Variants in PLD5 observed in about 807,000 individuals in gnomAD.
The protein encoded by PLD5 is inactive phospholipase D5.
In PLD5, 36 loss-of-function variants were observed where a neutral mutation model predicts 61.1. The ratio of observed to expected loss-of-function variants is 0.59; its 90% CI spans 0.45 to 0.78. The LOEUF (loss-of-function observed/expected upper bound fraction) is 0.78. PLD5 is among the 30% of genes least tolerant of loss of function. The pLI, the probability that PLD5 is intolerant of heterozygous loss-of-function variation, is 0.00. For synonymous variants in PLD5, 243 were observed against 242.8 expected (o/e 1.00, Z -0.01); for missense variants, 515 against 644.4 (o/e 0.80, Z 2.17).
rs201139795 is a variant in PLD5, at chr1:242,288,398, A to G, written c.459T>C (p.His153=). The G allele has an allele frequency of 6.3e-5, 102 of 1,612,978 alleles. No individual in the cohort carries two copies. The highest frequency in any genetic ancestry group is 8.0e-5 in the Non-Finnish European group (94 of 1,179,710). ...AKKSVDIVSS[H]WDLNHTHPSA... The stretch of plus-strand genomic sequence containing the variant: ...ATGGATGAGTGTGGTTGAGATCCCA[A>G]TGGGAAGACACTATGTCAACAGACT... The change falls in exon 3 of 10, where the codon CAT becomes CAC. Residue 153 remains histidine, a synonymous_variant. Coordinates refer to ENST00000536534, the MANE Select transcript of PLD5 (RefSeq NM_001372062.1).
At chr1:242,426,491 C>T (rs1431932677) in intron 1 of PLD5, among the ~76,000 whole-genome samples, 1 of 152,156 alleles carries the variant, frequency 6.6e-6, no homozygotes, top group Non-Finnish European at 1.5e-5. Context: ...AGGTGATACA[C>T]CTGTATCACC....
intron 1 of PLD5, among the ~76,000 whole-genome samples, chr1:242,451,527 A>G (rs960674836): frequency 1.4e-5 from 2 of 142,986 alleles, no homozygotes; most frequent in African/African-American, 5.3e-5. Flanking sequence ...TGACACGATC[A>G]TGGCTCAGTG....
chr1:242,423,940 A>G (rs1353362014), intron 1 of PLD5, among the ~76,000 whole-genome samples: 2 of 152,182 alleles, frequency 1.3e-5, no homozygotes, highest in Non-Finnish European at 2.9e-5. Context: ...TTACTCATGC[A>G]AGTATAGTTT....
intron 5 of PLD5, among the ~76,000 whole-genome samples, chr1:242,216,761 C>T (rs556204034): frequency 2.4e-4 from 37 of 152,324 alleles, no homozygotes; most frequent in African/African-American, 8.4e-4. Flanking sequence ...TCATCCATCA[C>T]TGAGTTAGGG....
intron 5 of PLD5, chr1:242,210,807 T>C (rs554346764): frequency 6.6e-6 from 1 of 152,394 alleles, no homozygotes; most frequent in South Asian, 2.1e-4. Flanking sequence ...ATCCAGGTGA[T>C]TAAAAGCTTT....
At chr1:242,382,061 G>A (rs1267137957) in intron 1 of PLD5, among the ~76,000 whole-genome samples, 1 of 149,980 alleles carries the variant, frequency 6.7e-6, no homozygotes, top group Admixed American at 6.7e-5. Flanking sequence ...TGGGTGAGAG[G>A]GAAAGGAGAA....
intron 1 of PLD5, among the ~76,000 whole-genome samples, chr1:242,396,245 A>C (rs1369482468): frequency 6.6e-6 from 1 of 152,156 alleles, no homozygotes; most frequent in Non-Finnish European, 1.5e-5. Context: ...TATCCTGTGC[A>C]TTGTAGGATG....
intron 5 of PLD5, among the ~76,000 whole-genome samples, chr1:242,125,423 C>A (rs1423450139): frequency 2.6e-5 from 4 of 151,902 alleles, no homozygotes; most frequent in African/African-American, 9.7e-5. Flanking sequence ...AATACTAGCC[C>A]CAAGTTAGAG....
chr1:242,481,732 T>G (rs1667784313), intron 1 of PLD5, among the ~76,000 whole-genome samples: 1 of 152,322 alleles, frequency 6.6e-6, no homozygotes, highest in South Asian at 2.1e-4. Context: ...AGCACAGAGC[T>G]TGAGATCTGA....
chr1:242,100,891 G>T (rs1311573438), intron 8 of PLD5, 109 bp from the exon 9 acceptor site: 5 of 696,968 alleles, frequency 7.2e-6, no homozygotes, highest in Non-Finnish European at 1.2e-5. Flanking sequence ...CCTCAAGTTG[G>T]GTTATGAAAG....
chr1:242,122,161 T>C (rs1016951689), intron 6 of PLD5, among the ~76,000 whole-genome samples: 2 of 152,222 alleles, frequency 1.3e-5, no homozygotes, highest in South Asian at 2.1e-4. Context: ...CTTTTTGTGG[T>C]GAACTCTTTA....
At chr1:242,170,309 G>A (rs527574075) in intron 5 of PLD5, among the ~76,000 whole-genome samples, 2 of 152,248 alleles carry the variant, frequency 1.3e-5, no homozygotes, top group African/African-American at 4.8e-5. Flanking sequence ...GGAGTGGACC[G>A]CTAACAAACT....
intron 1 of PLD5, among the ~76,000 whole-genome samples, chr1:242,401,189 T>C (rs114114004): frequency 0.012 from 1,761 of 152,244 alleles, 25 homozygotes; most frequent in Non-Finnish European, 0.018. Flanking sequence ...CTGTCTCTTC[T>C]ACTCACATCA....
chr1:242,458,265 A>C (rs1403842331), intron 1 of PLD5, among the ~76,000 whole-genome samples: 2 of 152,230 alleles, frequency 1.3e-5, no homozygotes, highest in Non-Finnish European at 2.9e-5. Flanking sequence ...GTTAGCTCAG[A>C]AGGAACTGTG....
intron 1 of PLD5, among the ~76,000 whole-genome samples, chr1:242,362,853 G>T (rs947939690): frequency 6.6e-6 from 1 of 151,820 alleles, no homozygotes; most frequent in Non-Finnish European, 1.5e-5. Context: ...GGCACCCCTC[G>T]CTGTACATAT....
intron 1 of PLD5, among the ~76,000 whole-genome samples, chr1:242,522,799 C>T (rs1179163110): frequency 1.3e-5 from 2 of 152,168 alleles, no homozygotes; most frequent in African/African-American, 4.8e-5. Flanking sequence ...AAACCTTCAG[C>T]GACTTCCATA....
chr1:242,085,952 T>A lies in PLD5; in HGVS notation c.*3902A>T, dbSNP rs1047015446. On this transcript the variant is annotated 3_prime_UTR_variant, in exon 10 of 10. Coordinates refer to ENST00000536534, the MANE Select transcript of PLD5 (RefSeq NM_001372062.1). ...GGATCTGATCTTATCAAGAAATTCTTATGGTCTTTTCTCCCCCCTTGGAAT... is the reference window on the plus strand; with the variant it reads ...GGATCTGATCTTATCAAGAAATTCTAATGGTCTTTTCTCCCCCCTTGGAAT... 2.0e-5 allele frequency: 3 copies of A among 152,226 alleles called. No homozygotes were observed. The highest frequency in any genetic ancestry group is 3.4e-3 in the Middle Eastern group (1 of 294). The allele number at this position is 152,226 out of a possible 1,614,324, so 9.4% of individuals were successfully genotyped here.
intron 5 of PLD5, among the ~76,000 whole-genome samples, chr1:242,158,565 G>A (rs902503819): frequency 2.6e-5 from 4 of 152,120 alleles, no homozygotes; most frequent in Admixed American, 6.6e-5. Context: ...TTCGGTAGGG[G>A]AGAAAATTCC....
intron 3 of PLD5, among the ~76,000 whole-genome samples, chr1:242,267,598 G>A (rs963991883): frequency 2.6e-5 from 4 of 152,002 alleles, no homozygotes; most frequent in African/African-American, 9.7e-5. Context: ...ATTTAAAAAA[G>A]AGGCAGAGGC....
Sources: allele counts gnomAD v4.1 joint callset (sites outside exome capture counted in the v4.1 genomes callset), GRCh38; gene constraint gnomAD v4.1.1; transcripts MANE v1.5; gene names NCBI Gene and HGNC (gene_info 2026-07-23, HGNC 2026-07-21).